The following SIPA1L1 variants were observed in gnomAD, a reference collection of about 807,000 sequenced individuals.
SIPA1L1 encodes signal induced proliferation associated 1 like 1.
SIPA1L1 carries 26 observed loss-of-function variants against 162.7 expected under a neutral mutation model. The observed-to-expected ratio is 0.16, with a 90% CI of 0.12 to 0.22. The LOEUF is 0.22. Ranked by LOEUF, SIPA1L1 falls within the 10% of genes least tolerant of loss-of-function variation. The pLI, the probability that SIPA1L1 is intolerant of heterozygous loss-of-function variation, is 1.00. For synonymous variants in SIPA1L1, 829 were observed against 837.4 expected, an observed-to-expected ratio of 0.99 and a Z score of 0.17; for missense variants, 1,874 against 2,241.0, an observed-to-expected ratio of 0.84 and a Z score of 3.31.
At chr14:71,353,148 T>A (rs961370558) in intron 2 of SIPA1L1, among the ~76,000 whole-genome samples, 5 of 152,260 alleles carry the variant, frequency 3.3e-5, no homozygotes, top group African/African-American at 7.2e-5. Context: ...ATAGAAATTT[T>A]AAAAATATAT....
At chr14:71,391,341 G>A (rs1408380202) in intron 2 of SIPA1L1, among the ~76,000 whole-genome samples, 2 of 152,060 alleles carry the variant, frequency 1.3e-5, no homozygotes, top group Non-Finnish European at 2.9e-5. Flanking sequence ...TCTTGACCTC[G>A]TGATCCGCCC....
At chr14:71,410,303 G>T (rs1410168285) in intron 2 of SIPA1L1, among the ~76,000 whole-genome samples, 7 of 152,124 alleles carry the variant, frequency 4.6e-5, no homozygotes, top group Non-Finnish European at 1.0e-4. Context: ...ACTTTTCAAA[G>T]TGCTGGGCTG....
At chr14:71,487,055 T>C (rs1453358661) in intron 2 of SIPA1L1, among the ~76,000 whole-genome samples, 2 of 152,198 alleles carry the variant, frequency 1.3e-5, no homozygotes. Context: ...GCCATAATCT[T>C]CTGATGGCAC....
chr14:71,353,771 G>C (rs2036948074), intron 2 of SIPA1L1, among the ~76,000 whole-genome samples: 1 of 152,104 alleles, frequency 6.6e-6, no homozygotes, highest in South Asian at 2.1e-4. Flanking sequence ...GAAGAAAGAA[G>C]AATGGCACTA....
At chr14:71,322,974 C>T (rs1396342740) in intron 2 of SIPA1L1, among the ~76,000 whole-genome samples, 3 of 152,200 alleles carry the variant, frequency 2.0e-5, no homozygotes, top group African/African-American at 7.2e-5. Flanking sequence ...GAGTCTATGG[C>T]AAGGTTGACT....
intron 4 of SIPA1L1, among the ~76,000 whole-genome samples, chr14:71,551,087 A>AT (rs1199469295): frequency 2.0e-5 from 3 of 152,034 alleles, no homozygotes; most frequent in South Asian, 4.1e-4. Flanking sequence ...TGTGTAGCTG[A>AT]TTCCTTTATG....
intron 4 of SIPA1L1, among the ~76,000 whole-genome samples, chr14:71,555,855 T>A (rs1202883747): frequency 6.6e-6 from 1 of 152,148 alleles, no homozygotes; most frequent in Non-Finnish European, 1.5e-5. Flanking sequence ...CGACATTTGT[T>A]GATTGTTTGA....
At chr14:71,499,118 C>A (rs988626438) in intron 2 of SIPA1L1, among the ~76,000 whole-genome samples, 1 of 152,162 alleles carries the variant, frequency 6.6e-6, no homozygotes, top group Admixed American at 6.6e-5. Flanking sequence ...GATTCTTTCC[C>A]ACATTCATCA....
At chr14:71,648,044 C>A (rs533638922) in intron 7 of SIPA1L1, among the ~76,000 whole-genome samples, 9 of 152,250 alleles carry the variant, frequency 5.9e-5, no homozygotes, top group Admixed American at 4.6e-4. Flanking sequence ...AATCCCAGCA[C>A]TTTGGGAGGC....
intron 17 of SIPA1L1, among the ~76,000 whole-genome samples, chr14:71,710,098 C>T (rs1236803422): frequency 3.3e-5 from 5 of 152,194 alleles, no homozygotes; most frequent in East Asian, 3.8e-4. Flanking sequence ...ATGCCAAGCA[C>T]GTCCTTTACG....
At chr14:71,625,723 AT>A (rs1248953333) in intron 7 of SIPA1L1, among the ~76,000 whole-genome samples, 1 of 152,222 alleles carries the variant, frequency 6.6e-6, no homozygotes, top group Non-Finnish European at 1.5e-5. Context: ...AACTTTATTG[AT>A]TCGGTCATTT....
intron 2 of SIPA1L1, among the ~76,000 whole-genome samples, chr14:71,493,078 C>CA (rs1360513905): frequency 6.6e-6 from 1 of 152,020 alleles, no homozygotes; most frequent in Non-Finnish European, 1.5e-5. Flanking sequence ...ATCCCTCCCC[C>CA]AAAACATAGG....
At chr14:71,449,330 A>T (rs1451276806) in intron 2 of SIPA1L1, among the ~76,000 whole-genome samples, 2 of 152,238 alleles carry the variant, frequency 1.3e-5, no homozygotes, top group African/African-American at 4.8e-5. Context: ...AGCTGGGAGA[A>T]TAAACCAGAT....
At chr14:71,642,270 C>T (rs1318817345) in intron 7 of SIPA1L1, among the ~76,000 whole-genome samples, 2 of 152,138 alleles carry the variant, frequency 1.3e-5, no homozygotes, top group East Asian at 3.8e-4. Context: ...ACAGTACAGG[C>T]AGGGGGTACC....
chr14:71,594,654 C>T (rs899920832), intron 5 of SIPA1L1, among the ~76,000 whole-genome samples: 2 of 152,100 alleles, frequency 1.3e-5, no homozygotes, highest in Admixed American at 6.5e-5. Flanking sequence ...TTATTTTCTG[C>T]CAAAATGAAT....
At chr14:71,621,887 G>T (rs1474174108) in intron 6 of SIPA1L1, among the ~76,000 whole-genome samples, 1 of 151,802 alleles carries the variant, frequency 6.6e-6, no homozygotes, top group East Asian at 1.9e-4. Flanking sequence ...ATTGCCACTA[G>T]GTTTTGTATA....
At chr14:71,341,312 A>T (rs1424653401) in intron 2 of SIPA1L1, among the ~76,000 whole-genome samples, 1 of 152,198 alleles carries the variant, frequency 6.6e-6, no homozygotes, top group Non-Finnish European at 1.5e-5. Flanking sequence ...GAAGCTTGAG[A>T]CATTTATTTT....
chr14:71,410,985 G>A (rs1191517788), intron 2 of SIPA1L1, among the ~76,000 whole-genome samples: 1 of 152,108 alleles, frequency 6.6e-6, no homozygotes, highest in African/African-American at 2.4e-5. Flanking sequence ...TAGGCTGGAG[G>A]TCAAACTTCT....
At chr14:71,707,581 C>A (rs1225349064) in intron 16 of SIPA1L1, among the ~76,000 whole-genome samples, 2 of 152,208 alleles carry the variant, frequency 1.3e-5, no homozygotes, top group Non-Finnish European at 2.9e-5. Flanking sequence ...AGCCTGGCTT[C>A]TCTCGCTGAT....
Sources: allele counts gnomAD v4.1 joint callset (sites outside exome capture counted in the v4.1 genomes callset), GRCh38; gene constraint gnomAD v4.1.1; transcripts MANE v1.5; gene names NCBI Gene and HGNC (gene_info 2026-07-23, HGNC 2026-07-21).